MIER1: variants seen among roughly 807,000 people sequenced by gnomAD.
MIER1 encodes mesoderm induction early response protein 1.
In MIER1, 40 loss-of-function variants were observed where a neutral mutation model predicts 75.7. The ratio of observed to expected loss-of-function variants is 0.53; its 90% confidence interval spans 0.41 to 0.69. MIER1 has a LOEUF of 0.69. Ranked by LOEUF, MIER1 falls within the 30% of genes least tolerant of loss-of-function variation. The pLI, the probability that MIER1 is intolerant of heterozygous loss-of-function variation, is 0.00. For missense variants in MIER1, 574 were observed against 680.2 expected, an observed-to-expected ratio of 0.84 and a Z score of 1.74; for synonymous variants, 213 against 223.4, an observed-to-expected ratio of 0.95 and a Z score of 0.42.
chr1:66,948,887 A>G (rs952836700), intron 4 of MIER1, among the ~76,000 whole-genome samples: 4 of 152,162 alleles, frequency 2.6e-5, no homozygotes, highest in African/African-American at 9.7e-5. Context: ...TGACAGAATA[A>G]AAATGTTACT....
intron 4 of MIER1, among the ~76,000 whole-genome samples, chr1:66,957,475 T>G (rs1203992605): frequency 6.6e-6 from 1 of 152,116 alleles, no homozygotes; most frequent in Non-Finnish European, 1.5e-5. Flanking sequence ...GTATGATAGA[T>G]GGTAAGGATT....
intron 2 of MIER1, chr1:66,930,377 G>T: frequency 6.2e-7 from 1 of 1,607,966 alleles, no homozygotes; most frequent in Non-Finnish European, 8.5e-7. Context: ...GATGTGACCC[G>T]GCAGTACGGC....
chr1:66,971,437 T>A (rs1663590534), intron 9 of MIER1, among the ~76,000 whole-genome samples: 1 of 152,046 alleles, frequency 6.6e-6, no homozygotes, highest in Non-Finnish European at 1.5e-5. Context: ...GGCCACCAAG[T>A]TTATGCATAT....
At position 66,949,256 on chromosome 1, in the gene MIER1, GAGTT is replaced by G. The variant is rs144823656; in HGVS notation, c.339+2967_339+2970del. Among the ~76,000 whole-genome samples, 1,097 of 152,218 alleles carry G rather than the reference GAGTT, an allele frequency of 7.2e-3. 9 individuals are homozygous for G. Among genetic ancestry groups the G allele is most frequent in the African/African-American group, 0.023 (974 of 41,512 alleles). ...ATAAGTAGTTTTCATAATGGGTTAT[GAGTT>G]AGTTATTTTTTTTCTATTTCAGAAA... On this transcript the variant is annotated intron_variant, in intron 4 of 13. Coordinates refer to ENST00000401041, the MANE Select transcript of MIER1 (RefSeq NM_001077700.3).
chr1:66,970,843 G>C lies in MIER1; in HGVS notation c.808G>C (p.Glu270Gln), dbSNP rs746306192. ...ENDDQLLWDP[E>Q]YLPEDKVIIF... is the part of the protein sequence containing the mutation. Reference sequence around the variant, plus strand: ...TGATGATCAGCTCCTGTGGGACCCTGAGTACTTACCAGAAGATAAAGTGAT... The same window carrying C: ...TGATGATCAGCTCCTGTGGGACCCTCAGTACTTACCAGAAGATAAAGTGAT... Residue 270 changes from glutamate (E) to glutamine (Q), a missense_variant, in exon 9 of 14, where the codon GAG (glutamate) becomes CAG (glutamine). By Grantham distance (29) the Glu-to-Gln change is conservative. This residue lies in a region of MIER1 where 309 missense variants were observed against 352.8 expected (regional missense o/e 0.88). Coordinates refer to ENST00000401041, the MANE Select transcript of MIER1 (RefSeq NM_001077700.3). 3.2e-6 allele frequency: 5 copies of C among 1,583,800 alleles called. No individual in the cohort carries two copies. The East Asian group carries it at 1.1e-4, about 36-fold the overall frequency.
At chr1:66,973,403 CT>C (rs1471008946) in intron 11 of MIER1, among the ~76,000 whole-genome samples, 1 of 152,034 alleles carries the variant, frequency 6.6e-6, no homozygotes, top group African/African-American at 2.4e-5. Flanking sequence ...TGCTTAAGTC[CT>C]GAGTGGTCTA....
intron 11 of MIER1, among the ~76,000 whole-genome samples, chr1:66,973,342 T>G (rs1196243764): frequency 1.3e-5 from 2 of 152,102 alleles, no homozygotes; most frequent in Non-Finnish European, 2.9e-5. Flanking sequence ...TTTGGAAACT[T>G]TAAAGCACTT....
At chr1:66,925,394 C>A (rs1343200004) in intron 1 of MIER1, 4 of 985,458 alleles carry the variant, frequency 4.1e-6, no homozygotes, top group Non-Finnish European at 4.8e-6. Flanking sequence ...GAGTTCGCCT[C>A]GCCCCGTTCG....
At chr1:66,944,743 A>G (rs1657086628) in intron 3 of MIER1, among the ~76,000 whole-genome samples, 1 of 151,858 alleles carries the variant, frequency 6.6e-6, no homozygotes, top group East Asian at 1.9e-4. Context: ...TTTATTTTTT[A>G]AAGTCAGGGC....
chr1:66,944,645 C>G (rs904112336), intron 3 of MIER1, among the ~76,000 whole-genome samples: 1 of 151,950 alleles, frequency 6.6e-6, no homozygotes, highest in Non-Finnish European at 1.5e-5. Flanking sequence ...AAATTTTGCT[C>G]TTCTACTCAG....
intron 8 of MIER1, among the ~76,000 whole-genome samples, chr1:66,967,827 A>G (rs1276158077): frequency 6.6e-6 from 1 of 152,092 alleles, no homozygotes; most frequent in Non-Finnish European, 1.5e-5. Flanking sequence ...TAGAAATGCT[A>G]CTGATTTTTG....
At chr1:66,970,243 T>C (rs1325475885) in intron 8 of MIER1, among the ~76,000 whole-genome samples, 1 of 152,196 alleles carries the variant, frequency 6.6e-6, no homozygotes, top group East Asian at 1.9e-4. Context: ...TGAAAGTGAT[T>C]TATATACATT....
At chr1:66,965,729 G>C (rs529232081) in intron 8 of MIER1, among the ~76,000 whole-genome samples, 1 of 152,282 alleles carries the variant, frequency 6.6e-6, no homozygotes, top group East Asian at 1.9e-4. Context: ...TGGTCACCCT[G>C]TTGTGCTGTC....
Position 66,985,768 on chromosome 1 carries a change from CAT to C in MIER1, c.*871_*872del. On this transcript the variant is annotated 3_prime_UTR_variant, in exon 14 of 14. Coordinates refer to ENST00000401041, the MANE Select transcript of MIER1 (RefSeq NM_001077700.3). ...TTAAGTGTTTGTGTAGTAATTAAGTCATATTTCTTATCCAGGTGGTTAAAGCA... is the reference window on the plus strand; with the variant it reads ...TTAAGTGTTTGTGTAGTAATTAAGTCATTTCTTATCCAGGTGGTTAAAGCA... The C allele has an allele frequency of 1.1e-6, 1 of 919,666 alleles. No homozygotes were observed. Among genetic ancestry groups the C allele is most frequent in the East Asian group, 1.2e-4 (1 of 8,516 alleles). The allele number at this position is 919,666 out of a possible 1,614,324, so 57.0% of individuals were successfully genotyped here. A position where few individuals can be genotyped will look rare whatever the true frequency, so the allele number is the denominator to read the frequency against.
intron 4 of MIER1, among the ~76,000 whole-genome samples, chr1:66,950,774 A>T (rs1011350696): frequency 6.6e-6 from 1 of 152,194 alleles, no homozygotes; most frequent in Non-Finnish European, 1.5e-5. Flanking sequence ...CAGTGCCTTC[A>T]TTCCTATATA....
chr1:66,974,780 G>T (rs2101935253), intron 11 of MIER1, among the ~76,000 whole-genome samples: 1 of 152,236 alleles, frequency 6.6e-6, no homozygotes, highest in East Asian at 1.9e-4. Context: ...AAAGGGAGAC[G>T]AGTACTCTAG....
intron 7 of MIER1, 39 bp downstream of exon 7, chr1:66,959,782 A>C: frequency 9.5e-7 from 1 of 1,054,312 alleles, no homozygotes; most frequent in Non-Finnish European, 1.3e-6. Flanking sequence ...TAGATAAATT[A>C]ATATTTTTTT....
At chr1:66,983,316 T>C (rs983078648) in intron 13 of MIER1, among the ~76,000 whole-genome samples, 5 of 152,242 alleles carry the variant, frequency 3.3e-5, no homozygotes, top group African/African-American at 1.2e-4. Context: ...CTTCAATATA[T>C]TATGATGCAT....
intron 12 of MIER1, 55 bp downstream of exon 12, chr1:66,976,777 G>T: frequency 7.3e-7 from 1 of 1,367,864 alleles, no homozygotes. Flanking sequence ...AGCTTTTCTA[G>T]ATTTTTCTTG....
Sources: gnomAD v4.1 joint callset for allele counts (sites outside exome capture counted in the v4.1 genomes callset) on GRCh38, gnomAD v4.1.1 for gene constraint, gnomAD v4.1.1 regional missense constraint, MANE v1.5 for transcripts, NCBI Gene and HGNC (gene_info 2026-07-23, HGNC 2026-07-21) for gene names.